FANCD2: variants seen among roughly 807,000 people sequenced by gnomAD.
FANCD2 encodes the protein Fanconi anemia group D2 protein.
FANCD2 carries 131 observed loss-of-function variants against 192.3 expected under a neutral mutation model. That is an observed-to-expected ratio of 0.68 (90% confidence interval 0.59 to 0.79). The LOEUF (loss-of-function observed/expected upper bound fraction) is 0.79, where lower values mean the gene tolerates loss of function less well. Ranked by LOEUF, FANCD2 falls within the 30% of genes least tolerant of loss-of-function variation. FANCD2 has a pLI of 0.00. For missense variants in FANCD2, 1,508 were observed against 1,701.6 expected, an observed-to-expected ratio of 0.89 and a Z score of 2.00; for synonymous variants, 524 against 612.5, an observed-to-expected ratio of 0.86 and a Z score of 2.13.
chr3:10,067,219 C>A lies in FANCD2; in HGVS notation c.2396C>A (p.Ala799Asp), dbSNP rs1193547837. The A allele has an allele frequency of 3.1e-6, 5 of 1,608,662 alleles. No individual in the cohort carries two copies. The highest frequency in any genetic ancestry group is 4.3e-6 in the Non-Finnish European group (5 of 1,175,234). Residue 799 changes from alanine to aspartate, a missense_variant, in exon 26 of 44, where the codon GCC (alanine) becomes GAC (aspartate). Ala to Asp is a moderately radical substitution (Grantham distance 126, BLOSUM62 -2). This residue lies in a region of FANCD2 where 796 missense variants were observed against 879.4 expected (regional missense o/e 0.91). Transcript: ENST00000675286. ...TLNWFREIVN[A>D]FCQETSPEMK... ...ATTTGTACTTTGCAGATTGTAAATG[C>A]CTTCTGCCAGGAAACATCACCTGAG...
rs2087654399 is a variant in FANCD2, at chr3:10,064,378, G to C, written c.1970G>C (p.Cys657Ser). 1 of 1,613,056 alleles carries C rather than the reference G, an allele frequency of 6.2e-7. No homozygotes were observed. Among genetic ancestry groups the C allele is most frequent in the Non-Finnish European group, 8.5e-7 (1 of 1,179,112 alleles). ...KALEWVGHTICNDFQDAFVVD... is the reference protein window; with the variant it reads ...KALEWVGHTISNDFQDAFVVD... ...AAGGAATGGGTTGGGCATACCATCT[G>C]TAATGATTTCCAGGATGCCTTCGTA... Residue 657 changes from cysteine to serine, a missense_variant, in exon 22 of 44, where the codon TGT becomes TCT. Transcript: ENST00000675286.
chr3:10,077,073 A>T (rs976471041), intron 29 of FANCD2, among the ~76,000 whole-genome samples: 1 of 145,292 alleles, frequency 6.9e-6, no homozygotes, highest in Admixed American at 6.9e-5. Flanking sequence ...ACAAAAAGTT[A>T]AAAAAAAAAA....
At chr3:10,095,113 C>T in intron 40 of FANCD2, 87 bp from the exon 41 acceptor site, 1 of 1,156,836 alleles carries the variant, frequency 8.6e-7, no homozygotes, top group Non-Finnish European at 1.3e-6. Context: ...AGTTTATCCT[C>T]TTTGGAGCTT....
chr3:10,035,109 A>G (rs773074211), intron 5 of FANCD2, 64 bp from the exon 6 acceptor site: 2 of 1,357,006 alleles, frequency 1.5e-6, no homozygotes, highest in Non-Finnish European at 2.1e-6. Context: ...TTATTGAGAA[A>G]AGATGATAAA....
At chr3:10,087,078 T>C in intron 33 of FANCD2, 56 bp from the exon 34 acceptor site, 1 of 1,598,980 alleles carries the variant, frequency 6.3e-7, no homozygotes, top group Non-Finnish European at 8.6e-7. Flanking sequence ...GATTTAAATA[T>C]ATCTGTGACA....
chr3:10,038,422 A>C (rs751226705), intron 7 of FANCD2, among the ~76,000 whole-genome samples: 14 of 152,192 alleles, frequency 9.2e-5, no homozygotes, highest in Non-Finnish European at 1.9e-4. Flanking sequence ...GAAGTGGTCC[A>C]AAACTTTAGA....
chr3:10,042,259 T>G (rs2086884928), intron 10 of FANCD2, among the ~76,000 whole-genome samples: 1 of 152,194 alleles, frequency 6.6e-6, no homozygotes, highest in Admixed American at 6.6e-5. Flanking sequence ...GAGTCATACC[T>G]GCTTCCCATA....
At position 10,096,325 on chromosome 3, in the gene FANCD2, G is replaced by T. The variant is rs367976708; in HGVS notation, c.4039-1G>T. ...GATGGATGTTATTTATTTCCATTCA[G>T]ATTCACCAGGACACGAGACTCACCC... On this transcript the variant is annotated splice_acceptor_variant, in intron 41 of 43. Transcript: ENST00000675286. LOFTEE classifies it high-confidence loss of function. 1.2e-6 allele frequency: 2 copies of T among 1,614,034 alleles called. No individual in the cohort carries two copies. The highest frequency in any genetic ancestry group is 1.7e-6 in the Non-Finnish European group (2 of 1,179,962).
intron 30 of FANCD2, among the ~76,000 whole-genome samples, chr3:10,080,834 T>C (rs1001664459): frequency 3.3e-5 from 5 of 152,322 alleles, no homozygotes; most frequent in South Asian, 2.1e-4. Context: ...ATTTCTACTT[T>C]TATGTGACCT....
At chr3:10,045,646 G>C in intron 14 of FANCD2, 1 of 142,898 alleles carries the variant, frequency 7.0e-6, no homozygotes, top group Non-Finnish European at 1.5e-5. Flanking sequence ...CTGTCACCTA[G>C]GCTCGAGTGC....
In FANCD2 at chr3:10,042,664, G is replaced by GTA; in HGVS notation, c.888+3_888+4dup. ...CGTAACAGCCATGGATACACTTGAG[G>GTA]TATGCTCTTATATCCCATCACACCT... On this transcript the variant is annotated splice_donor_variant, in intron 11 of 43. Coordinates refer to ENST00000675286, the MANE Select transcript of FANCD2 (RefSeq NM_001018115.3). LOFTEE classifies it high-confidence loss of function. 6.2e-7 allele frequency: 1 copy of GTA among 1,611,224 alleles called. No individual in the cohort carries two copies. The highest frequency in any genetic ancestry group is 8.5e-7 in the Non-Finnish European group (1 of 1,177,446).
At chr3:10,068,591 G>T (rs556999159) in intron 26 of FANCD2, among the ~76,000 whole-genome samples, 3 of 150,670 alleles carry the variant, frequency 2.0e-5, no homozygotes, top group Non-Finnish European at 3.0e-5. Context: ...CAGATTCAAG[G>T]CAATCCCTAT....
At chr3:10,046,036 A>G (rs1171469795) in intron 14 of FANCD2, among the ~76,000 whole-genome samples, 1 of 147,760 alleles carries the variant, frequency 6.8e-6, no homozygotes, top group African/African-American at 2.5e-5. Flanking sequence ...TATCACTTTC[A>G]TGCATATTGC....
chr3:10,031,742 A>G (rs903964510), intron 2 of FANCD2, among the ~76,000 whole-genome samples: 1 of 152,304 alleles, frequency 6.6e-6, no homozygotes, highest in South Asian at 2.1e-4. Flanking sequence ...TGAGTCTCAA[A>G]TTTGGTGTGT....
chr3:10,077,436 T>A (rs1693598445), intron 29 of FANCD2, among the ~76,000 whole-genome samples: 1 of 152,080 alleles, frequency 6.6e-6, no homozygotes, highest in East Asian at 1.9e-4. Flanking sequence ...GCACCTGTAA[T>A]GCCAGCTACT....
At chr3:10,028,872 T>A (rs1208591276) in intron 2 of FANCD2, 151 bp downstream of exon 2, 1 of 787,588 alleles carries the variant, frequency 1.3e-6, no homozygotes, top group Non-Finnish European at 2.2e-6. Flanking sequence ...GATTTGGGAC[T>A]GAGTTTTTGC....
At position 10,041,706 on chromosome 3, in the gene FANCD2, T is replaced by A; in HGVS notation, c.779T>A (p.Leu260Ter). ...CTCCGACTTGACCCAAACTTCCTAT[T>A]GAAGGTAGAAAAGACTCAGCTTTCC... is the stretch of plus-strand genomic sequence containing the variant. ...SSLRLDPNFLLKVRQLVMDKL... is the reference protein window; with the variant it reads ...SSLRLDPNFL Residue 260 changes from leucine to a stop codon, truncating the protein, a stop_gained, in exon 10 of 44, where the codon TTG (leucine) becomes TAG (stop). Coordinates refer to ENST00000675286, the MANE Select transcript of FANCD2 (RefSeq NM_001018115.3). LOFTEE classifies it high-confidence loss of function. The A allele has an allele frequency of 6.2e-7, 1 of 1,613,160 alleles. No individual in the cohort carries two copies. The highest frequency in any genetic ancestry group is 8.5e-7 in the Non-Finnish European group (1 of 1,179,152).
chr3:10,090,251 T>G, intron 36 of FANCD2, 41 bp from the exon 37 acceptor site: 1 of 1,427,148 alleles, frequency 7.0e-7, no homozygotes, highest in Non-Finnish European at 9.9e-7. Context: ...TTCTAAGCAG[T>G]GCATCATGGT....
rs1210897978 is a variant in FANCD2 at position 10,073,361 on chromosome 3, A to G, written c.2714A>G (p.Lys905Arg). The change falls in exon 28 of 44, where the codon AAG becomes AGG. Residue 905 changes from lysine to arginine, a missense_variant and splice_region_variant. Lys to Arg is a conservative substitution (Grantham distance 26). Coordinates refer to ENST00000675286, the MANE Select transcript of FANCD2 (RefSeq NM_001018115.3). The stretch of plus-strand genomic sequence containing the variant: ...CCATCTCATAGAGGCCAGCTAAACA[A>G]GGTATTGGAATGATGGGTATCCGTG... ...PTPSHRGQLN[K>R]EFTGKEEKTS... is the part of the protein sequence containing the mutation. The G allele has an allele frequency of 6.2e-7, 1 of 1,600,264 alleles. No homozygotes were observed. The highest frequency in any genetic ancestry group is 2.2e-5 in the East Asian group (1 of 44,832).
Sources: allele counts gnomAD v4.1 joint callset (sites outside exome capture counted in the v4.1 genomes callset), GRCh38; gene constraint gnomAD v4.1.1; regional missense constraint gnomAD v4.1.1; transcripts MANE v1.5; gene names NCBI Gene and HGNC (gene_info 2026-07-23, HGNC 2026-07-21).